Variants in PSMG4 observed in about 807,000 individuals in gnomAD.
The protein encoded by PSMG4 is proteasome (prosome, macropain) assembly chaperone 4.
PSMG4 carries 10 observed loss-of-function variants against 11.0 expected under a neutral mutation model. That is an observed-to-expected ratio of 0.91 (90% CI 0.56 to 1.54). PSMG4 has a LOEUF of 1.54. Among genes scored for constraint, PSMG4 ranks in the 40% most tolerant of loss-of-function variants. The pLI is 0.00. For synonymous variants in PSMG4, 95 were observed against 71.3 expected, an observed-to-expected ratio of 1.33 and a Z score of -1.68; for missense variants, 198 against 160.9, an observed-to-expected ratio of 1.23 and a Z score of -1.25.
chr6:3,260,576 GAATCTTTATGCT>G (rs1042720571), intron 1 of PSMG4, among the ~76,000 whole-genome samples: 7 of 152,096 alleles, frequency 4.6e-5, no homozygotes, highest in African/African-American at 1.7e-4. Flanking sequence ...TGGAAGTAAA[GAATCTTTATGCT>G]AATCTTTATC....
rs1462347510 is a variant in PSMG4 at position 3,260,282 on chromosome 6, TATA to T, written c.174+1087_174+1089del. The stretch of plus-strand genomic sequence containing the variant: ...GTATAACCTTGTCTTAAATTGTATA[TATA>T]TATATATTTTTTTTTTTTTTTTTTG... On this transcript the variant is annotated intron_variant, in intron 1 of 2. Transcript: ENST00000438998. 3.1e-4 allele frequency among the ~76,000 whole-genome samples: 15 copies of T among 48,862 alleles called. 1 individual carries two copies. The highest frequency in any genetic ancestry group is 1.7e-3 in the African/African-American group (15 of 8,942). The allele number at this position is 48,862 out of a possible 152,430, so 32.1% of individuals were successfully genotyped here. A position where few individuals can be genotyped will look rare whatever the true frequency, so the allele number is the denominator to read the frequency against.
chr6:3,254,535 T>G (rs4997137), upstream of PSMG4, among the ~76,000 whole-genome samples: 103,194 of 151,470 alleles, frequency 0.68, 38,420 homozygotes, highest in Non-Finnish European at 0.83. Flanking sequence ...AACAATTATC[T>G]GGAAGGTGTG....
At chr6:3,260,938 C>T (rs1030863677) in intron 1 of PSMG4, among the ~76,000 whole-genome samples, 1 of 152,228 alleles carries the variant, frequency 6.6e-6, no homozygotes, top group Admixed American at 6.5e-5. Context: ...GCTGGCCTCC[C>T]AGCCGCATTA....
At chr6:3,258,537 TA>T, upstream of PSMG4, among the ~76,000 whole-genome samples, 1 of 152,184 alleles carries the variant, frequency 6.6e-6, no homozygotes, top group East Asian at 1.9e-4. Context: ...AAGAACTAAT[TA>T]AAAATCAGTC....
upstream of PSMG4, among the ~76,000 whole-genome samples, chr6:3,257,488 C>T (rs1757805550): frequency 6.6e-6 from 1 of 152,186 alleles, no homozygotes; most frequent in African/African-American, 2.4e-5. Flanking sequence ...GTCCTCCTAG[C>T]TGATTGAAGG....
upstream of PSMG4, chr6:3,258,811 C>T: frequency 2.5e-6 from 1 of 402,302 alleles, no homozygotes; most frequent in Non-Finnish European, 4.3e-6. Context: ...GGGACAGCTA[C>T]TCCGCCCAGG....
upstream of PSMG4, chr6:3,255,007 T>G (rs775381954): frequency 3.2e-6 from 5 of 1,540,300 alleles, no homozygotes; most frequent in Admixed American, 3.9e-5. Flanking sequence ...CGCACTCCCA[T>G]GTGGGAGCGC....
upstream of PSMG4, chr6:3,254,972 G>A (rs1398895490): frequency 2.8e-6 from 4 of 1,406,040 alleles, no homozygotes; most frequent in South Asian, 2.8e-5. Context: ...AGCATGTGAT[G>A]TGGCTGTGGA....
At chr6:3,267,199 C>T (rs1758223434) in intron 2 of PSMG4, 1 of 152,998 alleles carries the variant, frequency 6.5e-6, no homozygotes. Flanking sequence ...AATCAAAACA[C>T]CAGAAACCCC....
upstream of PSMG4, chr6:3,255,194 G>T: frequency 6.4e-7 from 1 of 1,550,554 alleles, no homozygotes; most frequent in South Asian, 1.2e-5. Context: ...GGTGGAAGTA[G>T]GATGTTTGGT....
chr6:3,255,317 C>G, upstream of PSMG4: 4 of 1,499,624 alleles, frequency 2.7e-6, no homozygotes, highest in Non-Finnish European at 3.6e-6. Context: ...GTGGATGAGG[C>G]TAACGGCAAC....
At chr6:3,260,687 G>A (rs1402753411) in intron 1 of PSMG4, among the ~76,000 whole-genome samples, 5 of 152,188 alleles carry the variant, frequency 3.3e-5, no homozygotes, top group Non-Finnish European at 7.3e-5. Context: ...TTACAAACAA[G>A]GTCACATTCA....
intron 1 of PSMG4, among the ~76,000 whole-genome samples, chr6:3,260,733 T>G (rs986451945): frequency 6.6e-6 from 1 of 152,174 alleles, no homozygotes; most frequent in Non-Finnish European, 1.5e-5. Context: ...ACATATTTTT[T>G]GGGGAGACAC....
intron 1 of PSMG4, among the ~76,000 whole-genome samples, chr6:3,263,327 C>G (rs138728410): frequency 1.3e-5 from 2 of 152,280 alleles, no homozygotes; most frequent in South Asian, 4.1e-4. Context: ...GAGTCACTTT[C>G]TTCTTGCTGT....
chr6:3,255,585 A>C (rs1757735097), upstream of PSMG4, among the ~76,000 whole-genome samples: 1 of 152,140 alleles, frequency 6.6e-6, no homozygotes. Flanking sequence ...GGTTACCCAG[A>C]CCCACTGCCT....
intron 1 of PSMG4, among the ~76,000 whole-genome samples, chr6:3,260,287 A>ATT (rs1429987705): frequency 9.3e-5 from 1 of 10,752 alleles, no homozygotes; most frequent in African/African-American, 3.1e-4. Flanking sequence ...GTATATATAT[A>ATT]TATATTTTTT....
chr6:3,267,472 T>G (rs914494605), intron 2 of PSMG4, 119 bp from the exon 3 acceptor site: 6 of 1,197,312 alleles, frequency 5.0e-6, no homozygotes, highest in Non-Finnish European at 6.9e-6. Flanking sequence ...ATTAGAGCTT[T>G]CTTTTCTCCC....
chr6:3,255,222 C>T (rs762927137), upstream of PSMG4: 17 of 1,549,840 alleles, frequency 1.1e-5, no homozygotes, highest in Non-Finnish European at 1.5e-5. Flanking sequence ...GGAGCAAAAT[C>T]AACTCTGGTA....
upstream of PSMG4, among the ~76,000 whole-genome samples, chr6:3,255,853 CA>C (rs1160739698): frequency 5.7e-5 from 6 of 105,740 alleles, no homozygotes; most frequent in Non-Finnish European, 8.9e-5. Flanking sequence ...TCGTCCATCT[CA>C]CGTGAATGCA....
Sources: gnomAD v4.1 joint callset for allele counts (sites outside exome capture counted in the v4.1 genomes callset) on GRCh38, gnomAD v4.1.1 for gene constraint, MANE v1.5 for transcripts, NCBI Gene and HGNC (gene_info 2026-07-23, HGNC 2026-07-21) for gene names.